SEC23IP: variants seen among roughly 807,000 people sequenced by gnomAD.
SEC23IP encodes the protein SEC23 interacting protein, also known as SEC23-interacting protein.
A neutral mutation model predicts 113.4 loss-of-function variants in SEC23IP; 70 were observed. The observed-to-expected ratio is 0.62, with a 90% CI of 0.51 to 0.75. SEC23IP has a LOEUF of 0.75. Ranked by LOEUF, SEC23IP falls within the 30% of genes least tolerant of loss-of-function variation. SEC23IP has a pLI of 0.00. For synonymous variants in SEC23IP, 398 were observed against 421.0 expected (o/e 0.95, Z 0.67); for missense variants, 1,160 against 1,204.9 (o/e 0.96, Z 0.55).
rs151234961 is a variant in SEC23IP, at chr10:119,908,662, T to C, written c.1102-379T>C. Among the ~76,000 whole-genome samples, 775 of 152,326 alleles carry C rather than the reference T, an allele frequency of 5.1e-3. 3 individuals carry two copies. Among genetic ancestry groups the C allele is most frequent in the Non-Finnish European group, 8.6e-3 (588 of 68,038 alleles). Reference sequence around the variant, plus strand: ...GGAAGAGGGAAGGAGGATTTCTTTATAGCTTTCAGAGGAACGGTGGCCTGC... The same window carrying C: ...GGAAGAGGGAAGGAGGATTTCTTTACAGCTTTCAGAGGAACGGTGGCCTGC... On this transcript the variant is annotated intron_variant, in intron 4 of 18. Transcript: ENST00000369075.
intron 5 of SEC23IP, among the ~76,000 whole-genome samples, chr10:119,910,857 C>CT (rs35235558): frequency 2.3e-4 from 35 of 151,570 alleles, no homozygotes; most frequent in African/African-American, 5.1e-4. Flanking sequence ...AGTTTTAAGA[C>CT]TTTTTTTTGC....
In SEC23IP at chr10:119,920,894, G is replaced by T. The variant is rs751525076; in HGVS notation, c.2031G>T (p.Met677Ile). ...TTGTCTGTTTCCTTTTAAAGCTTAT[G>T]TGTACAGTTGATGACCTGAAGGAAA... The part of the protein sequence containing the change: ...KEKIDMESLL[M>I]CTVDDLKEMG... Residue 677 changes from methionine (M) to isoleucine (I), a missense_variant, in exon 12 of 19, where the codon ATG becomes ATT. Physicochemically the swap from Met to Ile is conservative, Grantham distance 10. Transcript: ENST00000369075. The T allele has an allele frequency of 7.2e-5, 116 of 1,604,176 alleles. No individual in the cohort carries two copies. Among genetic ancestry groups the T allele is most frequent in the Non-Finnish European group, 9.9e-5 (116 of 1,171,536 alleles).
chr10:119,894,130 C>T (rs368951724), intron 1 of SEC23IP, among the ~76,000 whole-genome samples: 1 of 152,136 alleles, frequency 6.6e-6, no homozygotes, highest in African/African-American at 2.4e-5. Flanking sequence ...TTTTGCAAAG[C>T]GCTAAGTATA....
chr10:119,920,138 T>C (rs569363398), intron 11 of SEC23IP, among the ~76,000 whole-genome samples: 1 of 152,304 alleles, frequency 6.6e-6, no homozygotes, highest in South Asian at 2.1e-4. Flanking sequence ...CTAGGCATTG[T>C]TATATATTGT....
chr10:119,913,850 CTT>C (rs527988147), intron 6 of SEC23IP, among the ~76,000 whole-genome samples: 76 of 151,644 alleles, frequency 5.0e-4, no homozygotes, highest in African/African-American at 1.8e-3. Context: ...TCGTCAAAAA[CTT>C]TATTTATAAA....
At chr10:119,913,156 A>G (rs1358258233) in intron 6 of SEC23IP, among the ~76,000 whole-genome samples, 1 of 152,188 alleles carries the variant, frequency 6.6e-6, no homozygotes, top group Non-Finnish European at 1.5e-5. Flanking sequence ...GTTCCTACAT[A>G]TGAGTGAGGA....
chr10:119,932,351 A>G, intron 16 of SEC23IP, 33 bp downstream of exon 16: 1 of 1,510,194 alleles, frequency 6.6e-7, no homozygotes, highest in Non-Finnish European at 9.2e-7. Flanking sequence ...TTTCTAATAC[A>G]AATGTTTCAT....
intron 11 of SEC23IP, 67 bp downstream of exon 11, chr10:119,919,663 T>G (rs990911125): frequency 3.1e-5 from 41 of 1,333,152 alleles, no homozygotes; most frequent in Non-Finnish European, 3.9e-5. Context: ...AAATTAAGAA[T>G]AAACATTTTC....
chr10:119,907,193 G>T (rs1404822534), intron 4 of SEC23IP, among the ~76,000 whole-genome samples: 1 of 151,982 alleles, frequency 6.6e-6, no homozygotes, highest in African/African-American at 2.4e-5. Context: ...CTACTCAGGA[G>T]GCTGAGGCAG....
chr10:119,932,406 T>C, intron 16 of SEC23IP, 88 bp downstream of exon 16: 1 of 1,042,062 alleles, frequency 9.6e-7, no homozygotes, highest in South Asian at 1.7e-5. Flanking sequence ...ATTTCCTTTC[T>C]AGACTTTTTG....
chr10:119,921,680 G>A (rs1316120737), intron 12 of SEC23IP, among the ~76,000 whole-genome samples: 1 of 152,110 alleles, frequency 6.6e-6, no homozygotes, highest in Non-Finnish European at 1.5e-5. Context: ...CAGCTAAAAA[G>A]CATTTAAAAC....
Position 119,909,031 on chromosome 10 carries a change from C to T in SEC23IP, c.1102-10C>T, listed in dbSNP as rs1371840902. The stretch of plus-strand genomic sequence containing the variant: ...TCATGTTGGAATATATGTTGTTTCC[C>T]CCATTATAGGCTGAATATAAAAAAG... On this transcript the variant is annotated splice_polypyrimidine_tract_variant and intron_variant, in intron 4 of 18. Transcript: ENST00000369075. The T allele has an allele frequency of 6.3e-7, 1 of 1,577,570 alleles. No individual in the cohort carries two copies. The highest frequency in any genetic ancestry group is 1.1e-5 in the South Asian group (1 of 86,976).
chr10:119,899,971 C>T (rs1006276218), intron 2 of SEC23IP, among the ~76,000 whole-genome samples: 1 of 151,980 alleles, frequency 6.6e-6, no homozygotes, highest in African/African-American at 2.4e-5. Context: ...GTGAGCCCTC[C>T]CTCTTCCCCC....
intron 4 of SEC23IP, among the ~76,000 whole-genome samples, chr10:119,908,324 G>T (rs1443147892): frequency 6.6e-6 from 1 of 152,168 alleles, no homozygotes; most frequent in Non-Finnish European, 1.5e-5. Context: ...CTTCCCAGTT[G>T]TGTCATCTTG....
intron 5 of SEC23IP, among the ~76,000 whole-genome samples, chr10:119,910,140 T>C (rs1854811186): frequency 6.6e-6 from 1 of 152,234 alleles, no homozygotes; most frequent in South Asian, 2.1e-4. Context: ...GGGTATGATA[T>C]TTTCAATGAA....
At position 119,914,744 on chromosome 10, in the gene SEC23IP, G is replaced by T; in HGVS notation, c.1327G>T (p.Val443Phe). Residue 443 changes from valine to phenylalanine, a missense_variant, in exon 7 of 19, where the codon GTT becomes TTT. By Grantham distance (50) the Val-to-Phe change is conservative (BLOSUM62 -1). Transcript: ENST00000369075. ...TTTTTTGATAGGGGAGATGCCTCAA[G>T]TTGACCATTTGGTGTTTGTGGTGCA... is the stretch of plus-strand genomic sequence containing the variant. Reference protein sequence around the residue: ...DEIPDGEMPQVDHLVFVVHGI... With the variant: ...DEIPDGEMPQFDHLVFVVHGI... 2 of 1,614,124 alleles carry T rather than the reference G, an allele frequency of 1.2e-6. No homozygotes were observed. Among genetic ancestry groups the T allele is most frequent in the Non-Finnish European group, 1.7e-6 (2 of 1,179,978 alleles).
chr10:119,933,900 C>G (rs1198429480), intron 18 of SEC23IP, 113 bp downstream of exon 18: 4 of 493,092 alleles, frequency 8.1e-6, no homozygotes, highest in Non-Finnish European at 1.4e-5. Flanking sequence ...GAGTTTTTGT[C>G]GTCGTTTTTA....
At chr10:119,907,068 G>A (rs777682231) in intron 4 of SEC23IP, among the ~76,000 whole-genome samples, 5 of 151,022 alleles carry the variant, frequency 3.3e-5, no homozygotes, top group African/African-American at 4.9e-5. Context: ...AGGCCGAGGC[G>A]GGCTGATTGC....
chr10:119,917,549 G>T lies in SEC23IP; in HGVS notation c.1545-287G>T, dbSNP rs530498604. Among the ~76,000 whole-genome samples the T allele has an allele frequency of 4.3e-3, 658 of 151,936 alleles. 8 individuals carry two copies. The highest frequency in any genetic ancestry group is 0.015 in the African/African-American group (641 of 41,458). On this transcript the variant is annotated intron_variant, in intron 8 of 18. Coordinates refer to ENST00000369075, the MANE Select transcript of SEC23IP (RefSeq NM_007190.4). Reference sequence around the variant, plus strand: ...GTACACCACCACACTCGGCTAATTTGTGTATTTTTAGTAAAGACGGGGTTT... The same window carrying T: ...GTACACCACCACACTCGGCTAATTTTTGTATTTTTAGTAAAGACGGGGTTT...
Sources: allele counts gnomAD v4.1 joint callset (sites outside exome capture counted in the v4.1 genomes callset), GRCh38; gene constraint gnomAD v4.1.1; transcripts MANE v1.5; gene names NCBI Gene and HGNC (gene_info 2026-07-23, HGNC 2026-07-21).